Variants in SSBP2 observed in about 807,000 individuals in gnomAD.
SSBP2 encodes single-stranded DNA-binding protein 2.
In SSBP2, 17 loss-of-function variants were observed where a neutral mutation model predicts 61.8. The observed-to-expected ratio is 0.28, with a 90% CI of 0.19 to 0.41. SSBP2 has a LOEUF of 0.41. Among genes scored for constraint, SSBP2 ranks in the 10% least tolerant of loss-of-function variants. The pLI, the probability that SSBP2 is intolerant of heterozygous loss-of-function variation, is 1.00. For missense variants in SSBP2, 310 were observed against 458.7 expected (o/e 0.68, Z 2.96); for synonymous variants, 139 against 141.3 (o/e 0.98, Z 0.12).
intron 4 of SSBP2, among the ~76,000 whole-genome samples, chr5:81,546,644 A>C (rs557733031): frequency 2.0e-5 from 3 of 152,232 alleles, no homozygotes; most frequent in East Asian, 3.9e-4. Context: ...TAAAACTACT[A>C]GTCTGCTTAA....
chr5:81,559,416 A>G, intron 4 of SSBP2, among the ~76,000 whole-genome samples: 1 of 150,340 alleles, frequency 6.7e-6, no homozygotes, highest in Non-Finnish European at 1.5e-5. Flanking sequence ...TTAGCTGGGC[A>G]TGGTGGCACA....
At chr5:81,655,024 C>T (rs1750084347) in intron 1 of SSBP2, among the ~76,000 whole-genome samples, 1 of 151,832 alleles carries the variant, frequency 6.6e-6, no homozygotes, top group East Asian at 1.9e-4. Context: ...ATGGCTCACA[C>T]CTGCAGTCCC....
At chr5:81,599,540 T>C (rs1744134609) in intron 4 of SSBP2, among the ~76,000 whole-genome samples, 1 of 152,220 alleles carries the variant, frequency 6.6e-6, no homozygotes, top group Non-Finnish European at 1.5e-5. Flanking sequence ...AGGGAGAAAC[T>C]GATTGAGATT....
intron 1 of SSBP2, among the ~76,000 whole-genome samples, chr5:81,692,171 C>T (rs1350346769): frequency 6.6e-6 from 1 of 152,144 alleles, no homozygotes; most frequent in Non-Finnish European, 1.5e-5. Flanking sequence ...CTGCAGGAAG[C>T]AAAACCAACA....
chr5:81,612,954 T>A (rs1745601897), intron 4 of SSBP2, among the ~76,000 whole-genome samples: 2 of 152,094 alleles, frequency 1.3e-5, no homozygotes, highest in Non-Finnish European at 2.9e-5. Context: ...AATTTGTTAA[T>A]CATTTTCAGA....
In SSBP2 at chr5:81,417,451, T is replaced by G. The variant is rs1761354674; in HGVS notation, c.*3053A>C. Reference sequence around the variant, plus strand: ...AACAAGATTTTACCTACTGCTTACTTTTTCATTTTACATGTGTATTTAATA... The same window carrying G: ...AACAAGATTTTACCTACTGCTTACTGTTTCATTTTACATGTGTATTTAATA... On this transcript the variant is annotated 3_prime_UTR_variant, in exon 17 of 17. Transcript: ENST00000320672. The G allele has an allele frequency of 1.3e-5, 2 of 152,232 alleles. No individual in the cohort carries two copies. Among genetic ancestry groups the G allele is most frequent in the Non-Finnish European group, 2.9e-5 (2 of 68,052 alleles). The allele number at this position is 152,232 out of a possible 1,614,324, so 9.4% of individuals were successfully genotyped here. A position where few individuals can be genotyped will look rare whatever the true frequency, so the allele number is the denominator to read the frequency against.
chr5:81,442,545 C>T, intron 13 of SSBP2, 108 bp downstream of exon 13: 1 of 633,218 alleles, frequency 1.6e-6, no homozygotes, highest in Admixed American at 3.5e-5. Context: ...ATCTAATAAG[C>T]TCCTGGATAA....
chr5:81,595,037 A>C (rs1743568829), intron 4 of SSBP2, among the ~76,000 whole-genome samples: 1 of 152,204 alleles, frequency 6.6e-6, no homozygotes, highest in Non-Finnish European at 1.5e-5. Flanking sequence ...CCCTTCAAAA[A>C]ATTAATGAAT....
intron 1 of SSBP2, among the ~76,000 whole-genome samples, chr5:81,718,384 T>C (rs1482780226): frequency 1.3e-5 from 2 of 151,500 alleles, no homozygotes; most frequent in African/African-American, 2.4e-5. Context: ...CCGATAACAG[T>C]GATAAGAGAA....
chr5:81,724,242 G>A (rs1466808321), intron 1 of SSBP2, among the ~76,000 whole-genome samples: 2 of 151,894 alleles, frequency 1.3e-5, no homozygotes, highest in Non-Finnish European at 1.5e-5. Context: ...GGGGAGAACT[G>A]GCATCTTTAA....
At chr5:81,725,894 G>A (rs1279867346) in intron 1 of SSBP2, among the ~76,000 whole-genome samples, 1 of 152,060 alleles carries the variant, frequency 6.6e-6, no homozygotes, top group South Asian at 2.1e-4. Context: ...CACATGGTGG[G>A]TTGATACTTT....
At chr5:81,427,107 C>A (rs1489387047) in intron 16 of SSBP2, among the ~76,000 whole-genome samples, 2 of 152,142 alleles carry the variant, frequency 1.3e-5, no homozygotes, top group Non-Finnish European at 2.9e-5. Flanking sequence ...AAATACCTCA[C>A]TGAATTATAC....
intron 6 of SSBP2, among the ~76,000 whole-genome samples, chr5:81,484,080 T>C (rs1300740073): frequency 6.6e-6 from 1 of 152,110 alleles, no homozygotes; most frequent in African/African-American, 2.4e-5. Flanking sequence ...ATCCCCCACA[T>C]CTAGGATGGT....
intron 1 of SSBP2, among the ~76,000 whole-genome samples, chr5:81,650,640 A>G (rs938209069): frequency 6.6e-6 from 1 of 152,084 alleles, no homozygotes; most frequent in Admixed American, 6.6e-5. Context: ...ATATCTATTA[A>G]TAATCTCTAA....
At chr5:81,673,066 G>A (rs1751706679) in intron 1 of SSBP2, among the ~76,000 whole-genome samples, 1 of 151,562 alleles carries the variant, frequency 6.6e-6, no homozygotes, top group South Asian at 2.1e-4. Context: ...TCAAACTTCT[G>A]ACCTCAGGTA....
intron 16 of SSBP2, among the ~76,000 whole-genome samples, chr5:81,424,645 G>A (rs1453537032): frequency 6.6e-6 from 1 of 152,048 alleles, no homozygotes; most frequent in Non-Finnish European, 1.5e-5. Flanking sequence ...CACCATTACT[G>A]AAACTACTTC....
rs952260037 is a variant in SSBP2 at position 81,538,903 on chromosome 5, A to C, written c.283-25186T>G. 7.2e-5 allele frequency among the ~76,000 whole-genome samples: 11 copies of C among 152,190 alleles called. No homozygotes were observed. The East Asian group carries it at 1.9e-3, about 27-fold the overall frequency. On this transcript the variant is annotated intron_variant, in intron 4 of 16. Transcript: ENST00000320672. ...CCCAAGAGCTCTGATGAAGATATAC[A>C]AGGAGACTGATGTTGTTTTCCTGAC...
rs553653522 is a variant in SSBP2, at chr5:81,512,525, C to T, written c.372+1103G>A. ...TCTATTCCTAGATTATAAGATAGGGCCCCCACGACAGAATGTGACTCTAAG... is the reference window on the plus strand; with the variant it reads ...TCTATTCCTAGATTATAAGATAGGGTCCCCACGACAGAATGTGACTCTAAG... On this transcript the variant is annotated intron_variant, in intron 5 of 16. Transcript: ENST00000320672. Among the ~76,000 whole-genome samples the T allele has an allele frequency of 3.3e-5, 5 of 152,112 alleles. No homozygotes were observed. In the South Asian group the frequency reaches 1.0e-3, roughly 32 times the overall value.
intron 16 of SSBP2, among the ~76,000 whole-genome samples, chr5:81,425,711 T>A (rs1317817299): frequency 2.0e-5 from 3 of 152,060 alleles, no homozygotes; most frequent in African/African-American, 7.2e-5. Flanking sequence ...TAAAGGGTCT[T>A]GGTTGTGATC....
Sources: allele counts gnomAD v4.1 joint callset (sites outside exome capture counted in the v4.1 genomes callset), GRCh38; gene constraint gnomAD v4.1.1; transcripts MANE v1.5; gene names NCBI Gene and HGNC (gene_info 2026-07-23, HGNC 2026-07-21).